Variants in CDK14 observed in about 807,000 individuals in gnomAD.
CDK14 encodes cyclin-dependent kinase 14.
CDK14 carries 34 observed loss-of-function variants against 60.7 expected under a neutral mutation model. The ratio of observed to expected loss-of-function variants is 0.56; its 90% CI spans 0.43 to 0.75. The LOEUF (loss-of-function observed/expected upper bound fraction) is 0.75. Among genes scored for constraint, CDK14 ranks in the 30% least tolerant of loss-of-function variants. The pLI is 0.00. For missense variants in CDK14, 482 were observed against 564.1 expected (o/e 0.85, Z 1.47); for synonymous variants, 197 against 203.7 (o/e 0.97, Z 0.28).
chr7:90,597,520 GA>G (rs1799219443), intron 1 of CDK14, among the ~76,000 whole-genome samples: 1 of 152,122 alleles, frequency 6.6e-6, no homozygotes, highest in Non-Finnish European at 1.5e-5. Flanking sequence ...CTTTTAACCT[GA>G]AGAGTTAGCT....
At chr7:90,879,069 C>A (rs1046316715) in intron 6 of CDK14, among the ~76,000 whole-genome samples, 1 of 152,152 alleles carries the variant, frequency 6.6e-6, no homozygotes, top group African/African-American at 2.4e-5. Context: ...CTTGCTTTGG[C>A]CAACGAATTG....
intron 14 of CDK14, among the ~76,000 whole-genome samples, chr7:91,139,565 C>T (rs1800380790): frequency 6.6e-6 from 1 of 152,156 alleles, no homozygotes; most frequent in African/African-American, 2.4e-5. Context: ...AAAGTAGCTC[C>T]ACTTTAATCT....
chr7:91,181,973 T>C (rs969984645), intron 14 of CDK14, among the ~76,000 whole-genome samples: 15 of 152,176 alleles, frequency 9.9e-5, no homozygotes, highest in South Asian at 2.1e-4. Flanking sequence ...ACCTTTTTAA[T>C]AGATTATGAT....
At chr7:90,689,055 C>T (rs1801501620) in intron 2 of CDK14, among the ~76,000 whole-genome samples, 1 of 152,090 alleles carries the variant, frequency 6.6e-6, no homozygotes. Flanking sequence ...CTCCACCGCT[C>T]CTCCACTGTC....
intron 9 of CDK14, among the ~76,000 whole-genome samples, chr7:90,971,791 A>G (rs1171401706): frequency 6.6e-6 from 1 of 152,156 alleles, no homozygotes; most frequent in African/African-American, 2.4e-5. Context: ...ATTAAAGTGT[A>G]TGAACAAAAA....
intron 2 of CDK14, among the ~76,000 whole-genome samples, chr7:90,632,923 T>G (rs1298113354): frequency 6.6e-6 from 1 of 152,046 alleles, no homozygotes; most frequent in East Asian, 1.9e-4. Flanking sequence ...ACCCCATCTC[T>G]ACTAAAAATA....
rs531197135 is a variant in CDK14 at position 91,160,517 on chromosome 7, T to C, written c.*28+42309T>C. On this transcript the variant is annotated intron_variant, in intron 14 of 14. Transcript: ENST00000380050. Reference sequence around the variant, plus strand: ...TATGATGGGGGGGGATATAAATTCATATACATAGCCTGCAGTCTATAAATA... The same window carrying C: ...TATGATGGGGGGGGATATAAATTCACATACATAGCCTGCAGTCTATAAATA... Among the ~76,000 whole-genome samples the C allele has an allele frequency of 2.0e-5, 3 of 152,282 alleles. No homozygotes were observed. The East Asian group carries it at 5.8e-4, about 29-fold the overall frequency.
At chr7:91,137,616 GCA>G (rs57544816) in intron 14 of CDK14, among the ~76,000 whole-genome samples, 1 of 151,752 alleles carries the variant, frequency 6.6e-6, no homozygotes, top group African/African-American at 2.4e-5. Flanking sequence ...CATGCACTGT[GCA>G]CACACACACG....
intron 2 of CDK14, among the ~76,000 whole-genome samples, chr7:90,611,831 G>GT (rs752667605): frequency 0.07 from 9,004 of 128,184 alleles, 509 homozygotes; most frequent in East Asian, 0.17. Context: ...ATCTTTGTGT[G>GT]TTTTTTTTTT....
intron 12 of CDK14, among the ~76,000 whole-genome samples, chr7:91,112,045 G>A (rs969011227): frequency 1.3e-5 from 2 of 152,086 alleles, no homozygotes; most frequent in Non-Finnish European, 2.9e-5. Context: ...ATTTGACAGG[G>A]CACTGTTTCA....
chr7:90,965,571 C>A (rs1794729762), intron 9 of CDK14, among the ~76,000 whole-genome samples: 1 of 152,138 alleles, frequency 6.6e-6, no homozygotes, highest in Non-Finnish European at 1.5e-5. Context: ...CCTTATAGCT[C>A]TATTCGTAGT....
At chr7:90,599,929 A>G (rs764307970) in intron 1 of CDK14, among the ~76,000 whole-genome samples, 1 of 152,250 alleles carries the variant, frequency 6.6e-6, no homozygotes, top group Non-Finnish European at 1.5e-5. Flanking sequence ...AATTCTAAAT[A>G]CATAAAGCAG....
intron 9 of CDK14, among the ~76,000 whole-genome samples, chr7:90,957,329 T>C (rs921262046): frequency 6.6e-6 from 1 of 152,156 alleles, no homozygotes; most frequent in Admixed American, 6.6e-5. Flanking sequence ...AGATGGTATC[T>C]CATTGTTGGA....
At chr7:90,821,728 A>G (rs1789558331) in intron 5 of CDK14, among the ~76,000 whole-genome samples, 1 of 152,182 alleles carries the variant, frequency 6.6e-6, no homozygotes, top group Non-Finnish European at 1.5e-5. Flanking sequence ...TGTATTCCCT[A>G]TACTGCTTTA....
At chr7:90,881,848 G>A (rs1383275561) in intron 6 of CDK14, among the ~76,000 whole-genome samples, 2 of 152,224 alleles carry the variant, frequency 1.3e-5, no homozygotes, top group East Asian at 1.9e-4. Flanking sequence ...AGCTTCGTAA[G>A]CAAAGAAGAA....
chr7:90,713,579 A>T (rs950795029), intron 2 of CDK14, among the ~76,000 whole-genome samples: 1 of 151,822 alleles, frequency 6.6e-6, no homozygotes, highest in Admixed American at 6.6e-5. Flanking sequence ...AAGATGGGCC[A>T]GAAAACCTTA....
chr7:90,659,972 G>C (rs950668045), intron 2 of CDK14, among the ~76,000 whole-genome samples: 6 of 151,516 alleles, frequency 4.0e-5, no homozygotes, highest in African/African-American at 1.5e-4. Flanking sequence ...TATTAATTTG[G>C]ACTCCACTAA....
intron 6 of CDK14, among the ~76,000 whole-genome samples, chr7:90,871,579 T>TTA (rs1791374085): frequency 6.6e-6 from 1 of 152,206 alleles, no homozygotes; most frequent in African/African-American, 2.4e-5. Flanking sequence ...TTTCTGTAAA[T>TTA]TATGTTCACT....
At chr7:90,981,498 T>C (rs973728480) in intron 9 of CDK14, among the ~76,000 whole-genome samples, 2 of 152,248 alleles carry the variant, frequency 1.3e-5, no homozygotes, top group African/African-American at 4.8e-5. Context: ...AATCATGTGG[T>C]ACAATAGGGA....
Sources: allele counts gnomAD v4.1 joint callset (sites outside exome capture counted in the v4.1 genomes callset), GRCh38; gene constraint gnomAD v4.1.1; transcripts MANE v1.5; gene names NCBI Gene and HGNC (gene_info 2026-07-23, HGNC 2026-07-21).